The following TPRG1 variants were observed in gnomAD, a reference collection of about 807,000 sequenced individuals.
The protein encoded by TPRG1 is tumor protein p63-regulated gene 1 protein.
TPRG1 carries 29 observed loss-of-function variants against 29.3 expected under a neutral mutation model. That is an observed-to-expected ratio of 0.99 (90% confidence interval 0.74 to 1.35). The LOEUF (loss-of-function observed/expected upper bound fraction) is 1.35. Among genes scored for constraint, TPRG1 ranks in the 40% most tolerant of loss-of-function variants. The pLI is 0.00. For synonymous variants in TPRG1, 130 were observed against 116.8 expected (o/e 1.11, Z -0.73); for missense variants, 327 against 335.0 (o/e 0.98, Z 0.19).
In TPRG1 at chr3:189,052,802, G is replaced by C. The variant is rs180767168; in HGVS notation, c.-463+28856G>C. On this transcript the variant is annotated intron_variant, in intron 4 of 10. Transcript: ENST00000433971. ...ATTTGCAGTGACCTGGATGAGATTC[G>C]GGACTATTATTCTAAGCGAAGTAAC... 1.2e-4 allele frequency among the ~76,000 whole-genome samples: 19 copies of C among 152,158 alleles called. No homozygotes were observed. In the East Asian group the frequency reaches 2.7e-3, roughly 22 times the overall value.
intron 2 of TPRG1, among the ~76,000 whole-genome samples, chr3:189,130,261 C>G (rs952241481): frequency 4.6e-5 from 7 of 152,150 alleles, no homozygotes; most frequent in Admixed American, 1.3e-4. Flanking sequence ...GAAAGAAGAA[C>G]TCAACTAGAC....
At chr3:189,125,813 TTGTG>T (rs751689409) in intron 1 of TPRG1, among the ~76,000 whole-genome samples, 9,352 of 123,884 alleles carry the variant, frequency 0.075, 374 homozygotes, top group East Asian at 0.11. Flanking sequence ...GCAGGGTGTT[TTGTG>T]TGTGTGTGTG....
intron 3 of TPRG1, among the ~76,000 whole-genome samples, chr3:189,019,616 C>T (rs557656840): frequency 9.5e-4 from 145 of 152,276 alleles, no homozygotes; most frequent in African/African-American, 3.3e-3. Context: ...TTTTGATGTG[C>T]TGCTGGATTT....
chr3:189,072,741 TTC>T (rs1716885909), intron 4 of TPRG1, among the ~76,000 whole-genome samples: 1 of 152,076 alleles, frequency 6.6e-6, no homozygotes, highest in South Asian at 2.1e-4. Flanking sequence ...TTGCCTATCG[TTC>T]TCTTTATATC....
At chr3:189,079,491 A>T (rs1717442348) in intron 4 of TPRG1, among the ~76,000 whole-genome samples, 1 of 152,192 alleles carries the variant, frequency 6.6e-6, no homozygotes, top group Non-Finnish European at 1.5e-5. Flanking sequence ...TTCACAATAA[A>T]TGCTGAATAA....
chr3:189,126,421 C>T (rs1296958581), intron 1 of TPRG1, among the ~76,000 whole-genome samples: 2 of 152,122 alleles, frequency 1.3e-5, no homozygotes. Context: ...CTTATTAGCT[C>T]GATGTCACTA....
chr3:189,320,658 T>C lies in TPRG1; in HGVS notation c.666T>C (p.Ala222=). ...LSGFMSKLVP[A]IQNAHKNSTG... ...GGTTCATGTCTAAGCTTGTTCCAGC[T>C]ATCCAGAATGCCCACAAGAATTCAA... Residue 222 remains alanine (A), a synonymous_variant, in exon 6 of 6, where the codon GCT becomes GCC. Transcript: ENST00000345063. The C allele has an allele frequency of 6.2e-7, 1 of 1,611,626 alleles. No homozygotes were observed. Among genetic ancestry groups the C allele is most frequent in the Non-Finnish European group, 8.5e-7 (1 of 1,178,888 alleles).
At chr3:189,307,497 G>A (rs140382746) in intron 4 of TPRG1, among the ~76,000 whole-genome samples, 3 of 152,312 alleles carry the variant, frequency 2.0e-5, no homozygotes, top group Non-Finnish European at 2.9e-5. Flanking sequence ...GGATCCGTAG[G>A]CAGGCTTTTT....
At position 189,317,145 on chromosome 3, in the gene TPRG1, G is replaced by A. The variant is rs75231376; in HGVS notation, c.634-3481G>A. Among the ~76,000 whole-genome samples the A allele has an allele frequency of 3.4e-3, 519 of 152,242 alleles. 2 individuals are homozygous for A. The highest frequency in any genetic ancestry group is 0.012 in the African/African-American group (498 of 41,550). The stretch of plus-strand genomic sequence containing the variant: ...AAAGAAGTTTATGATGAAGCCAGAG[G>A]AAGCATTCAGTAATCCAACTGGACA... On this transcript the variant is annotated intron_variant, in intron 5 of 5. Coordinates refer to ENST00000345063, the MANE Select transcript of TPRG1 (RefSeq NM_198485.4).
intron 4 of TPRG1, among the ~76,000 whole-genome samples, chr3:189,280,627 G>T (rs528320476): frequency 6.6e-6 from 1 of 152,072 alleles, no homozygotes; most frequent in Non-Finnish European, 1.5e-5. Context: ...AGAAGCTTGG[G>T]GAAGGTAAAG....
intron 4 of TPRG1, among the ~76,000 whole-genome samples, chr3:189,086,615 C>A (rs1296230832): frequency 6.6e-6 from 1 of 151,400 alleles, no homozygotes; most frequent in Non-Finnish European, 1.5e-5. Context: ...ACAACCTCCG[C>A]CTCCCGGATT....
Position 189,105,122 on chromosome 3 carries a change from G to T in TPRG1, c.-744+4918G>T, listed in dbSNP as rs73053445. ...TTTACAAAGCTCTCTACAACTCTCT[G>T]ATGTTGGTGTTATTAAGGACATCCC... On this transcript the variant is annotated intron_variant, in intron 1 of 6. Transcript: ENST00000412373. 1.3e-4 allele frequency among the ~76,000 whole-genome samples: 20 copies of T among 152,238 alleles called. No homozygotes were observed. The East Asian group carries it at 3.9e-3, about 29-fold the overall frequency.
At chr3:189,169,886 T>C (rs1281070668), upstream of TPRG1, among the ~76,000 whole-genome samples, 1 of 152,142 alleles carries the variant, frequency 6.6e-6, no homozygotes, top group East Asian at 1.9e-4. Flanking sequence ...AGGTTTTCCG[T>C]GTGGCATTAC....
At chr3:189,004,832 C>G (rs545429474) in intron 3 of TPRG1, 340 of 152,224 alleles carry the variant, frequency 2.2e-3, no homozygotes, top group African/African-American at 7.8e-3. Flanking sequence ...CTATCCTAAC[C>G]CATACTGCCC....
intron 1 of TPRG1, among the ~76,000 whole-genome samples, chr3:189,184,240 T>C (rs1309369491): frequency 6.6e-6 from 1 of 152,164 alleles, no homozygotes; most frequent in Non-Finnish European, 1.5e-5. Flanking sequence ...CAAATGAGGA[T>C]AATTAGAGTA....
rs562564119 is a variant in TPRG1 at position 189,207,672 on chromosome 3, T to C, written c.210+78T>C. On this transcript the variant is annotated intron_variant, in intron 2 of 5. Transcript: ENST00000345063. ...TTAAAATCCTTCTGTGTATCACATATTTACTGAGTGTACTCACATTTGTCT... is the reference window on the plus strand; with the variant it reads ...TTAAAATCCTTCTGTGTATCACATACTTACTGAGTGTACTCACATTTGTCT... The C allele has an allele frequency of 5.2e-5, 69 of 1,335,534 alleles. No individual in the cohort carries two copies. The East Asian group carries it at 1.6e-3, about 31-fold the overall frequency. The allele number at this position is 1,335,534 out of a possible 1,614,324, so 82.7% of individuals were successfully genotyped here.
At chr3:189,233,166 ATGTGTGTGTGTGTG>A (rs59388844) in intron 3 of TPRG1, among the ~76,000 whole-genome samples, 4 of 148,768 alleles carry the variant, frequency 2.7e-5, no homozygotes, top group Non-Finnish European at 4.5e-5. Flanking sequence ...CTGAGTGTGT[ATGTGTGTGTGTGTG>A]TGTGTGTGTG....
At chr3:189,045,464 G>A (rs1714916994) in intron 4 of TPRG1, among the ~76,000 whole-genome samples, 1 of 152,154 alleles carries the variant, frequency 6.6e-6, no homozygotes, top group African/African-American at 2.4e-5. Context: ...GGCAGCTCTT[G>A]GAATTAGATG....
chr3:189,109,759 G>C (rs1490965820), intron 1 of TPRG1, among the ~76,000 whole-genome samples: 3 of 152,040 alleles, frequency 2.0e-5, no homozygotes, highest in African/African-American at 7.2e-5. Context: ...CAAACACCCA[G>C]TCTTGTAACA....
Sources: allele counts gnomAD v4.1 joint callset (sites outside exome capture counted in the v4.1 genomes callset), GRCh38; gene constraint gnomAD v4.1.1; transcripts MANE v1.5; gene names NCBI Gene and HGNC (gene_info 2026-07-23, HGNC 2026-07-21).